The following ATAD2B variants were observed in gnomAD, a reference collection of about 807,000 sequenced individuals.
The protein encoded by ATAD2B is ATPase family AAA domain containing 2B, also known as ATPase family AAA domain-containing protein 2B.
A neutral mutation model predicts 167.6 loss-of-function variants in ATAD2B; 40 were observed. The ratio of observed to expected loss-of-function variants is 0.24; its 90% CI spans 0.19 to 0.31. The LOEUF (loss-of-function observed/expected upper bound fraction) is 0.31. Among genes scored for constraint, ATAD2B ranks in the 10% least tolerant of loss-of-function variants. The pLI, the probability that ATAD2B is intolerant of heterozygous loss-of-function variation, is 1.00. For missense variants in ATAD2B, 1,242 were observed against 1,757.2 expected (o/e 0.71, Z 5.24); for synonymous variants, 579 against 596.5 (o/e 0.97, Z 0.43).
the ATAD2B span, among the ~76,000 whole-genome samples, chr2:23,729,438 G>A: frequency 5.9e-5 from 9 of 152,200 alleles, no homozygotes; most frequent in Admixed American, 2.6e-4. Flanking sequence ...TGTTTTAACC[G>A]TGTAAGAAAG....
chr2:23,922,701 C>CAAAAAAAAAAAAAAAAAAA lies in ATAD2B; in HGVS notation c.216+3853_216+3854insTTTTTTTTTTTTTTTTTTT, dbSNP rs11386515. Among the ~76,000 whole-genome samples, 62 of 126,428 alleles carry CAAAAAAAAAAAAAAAAAAA rather than the reference C, an allele frequency of 4.9e-4. 1 individual carries two copies. Among genetic ancestry groups the CAAAAAAAAAAAAAAAAAAA allele is most frequent in the Middle Eastern group, 4.3e-3 (1 of 232 alleles). 82.9% of individuals were successfully genotyped at this position (126,428 alleles called of 152,430 possible). On this transcript the variant is annotated intron_variant, in intron 1 of 27. Coordinates refer to ENST00000238789, the MANE Select transcript of ATAD2B (RefSeq NM_017552.4). ...TGGGCATCAGAGTAAGACTCTGTCT[C>CAAAAAAAAAAAAAAAAAAA]AAAAAAAAAAAAAAAGGGTCCTAAC...
downstream of ATAD2B, among the ~76,000 whole-genome samples, chr2:23,743,826 T>TA (rs1674647028): frequency 1.3e-5 from 2 of 152,018 alleles, no homozygotes; most frequent in Non-Finnish European, 2.9e-5. Flanking sequence ...AGGGTCTCAT[T>TA]ATGTTACCCA....
At chr2:23,782,823 T>A in intron 22 of ATAD2B, 46 bp downstream of exon 22, 1 of 1,503,554 alleles carries the variant, frequency 6.7e-7, no homozygotes, top group Non-Finnish European at 9.1e-7. Context: ...CGGTAAACTG[T>A]CTTCTGATTG....
rs754979087 is a variant in ATAD2B at position 23,887,911 on chromosome 2, C to G, written c.493G>C (p.Val165Leu). The G allele has an allele frequency of 2.5e-6, 4 of 1,611,222 alleles. No homozygotes were observed. In the East Asian group the frequency reaches 8.9e-5, roughly 36 times the overall value. Reference protein sequence around the residue: ...DLSCINGDMEVRKSCRSRKNR... With the variant: ...DLSCINGDMELRKSCRSRKNR... ...TTCCTGGAACGACAACTTTTTCTGA[C>G]TTCCATGTCACCATTTATACAAGAA... Residue 165 changes from valine to leucine, a missense_variant, in exon 4 of 28, where the codon GTC (valine) becomes CTC (leucine). Physicochemically the swap from Val to Leu is conservative, Grantham distance 32. Transcript: ENST00000238789.
chr2:23,840,748 T>C (rs1445215053), intron 13 of ATAD2B, among the ~76,000 whole-genome samples: 3 of 152,248 alleles, frequency 2.0e-5, no homozygotes, highest in South Asian at 2.1e-4. Flanking sequence ...AATTAATCTA[T>C]AGAGCATTAA....
the ATAD2B span, among the ~76,000 whole-genome samples, chr2:23,713,497 G>T: frequency 6.6e-6 from 1 of 151,682 alleles, no homozygotes; most frequent in African/African-American, 2.4e-5. Flanking sequence ...CACGAATTGA[G>T]CAACAATAAC....
chr2:23,753,180 C>A (rs1356586014), intron 27 of ATAD2B, among the ~76,000 whole-genome samples: 5 of 152,096 alleles, frequency 3.3e-5, no homozygotes, highest in African/African-American at 9.7e-5. Context: ...ATCATCCGAT[C>A]AACAAGTTCT....
At chr2:23,775,823 C>A (rs975737882) in intron 22 of ATAD2B, among the ~76,000 whole-genome samples, 2 of 152,162 alleles carry the variant, frequency 1.3e-5, no homozygotes, top group Non-Finnish European at 2.9e-5. Flanking sequence ...ATATCTCCTG[C>A]CCACTTCTTT....
intron 17 of ATAD2B, among the ~76,000 whole-genome samples, chr2:23,818,249 A>G (rs1172105976): frequency 2.6e-5 from 2 of 75,922 alleles, no homozygotes; most frequent in African/African-American, 5.1e-5. Flanking sequence ...GAGGGAGGGA[A>G]GAAGAGAGGG....
intron 18 of ATAD2B, chr2:23,799,998 T>C (rs536459803): frequency 6.6e-6 from 1 of 151,844 alleles, no homozygotes; most frequent in East Asian, 1.9e-4. Flanking sequence ...AAAGTTCTTG[T>C]AGAAAATTCA....
chr2:23,880,203 T>G (rs1363195271), intron 7 of ATAD2B, among the ~76,000 whole-genome samples: 1 of 152,210 alleles, frequency 6.6e-6, no homozygotes, highest in Non-Finnish European at 1.5e-5. Context: ...ATGTACATGC[T>G]GTATGTAAAT....
the ATAD2B span, chr2:23,693,170 G>A: frequency 2.9e-6 from 4 of 1,359,436 alleles, no homozygotes; most frequent in Non-Finnish European, 3.0e-6. Context: ...GGTCCCCCGG[G>A]ATGTGGGTTC....
At chr2:23,809,204 T>C (rs1685149441) in intron 18 of ATAD2B, 1 of 152,254 alleles carries the variant, frequency 6.6e-6, no homozygotes, top group South Asian at 2.1e-4. Flanking sequence ...AGCAAACATA[T>C]AAATCAACAT....
At chr2:23,730,684 AAAAAAAGG>A in the ATAD2B span, among the ~76,000 whole-genome samples, 3 of 148,982 alleles carry the variant, frequency 2.0e-5, no homozygotes, top group African/African-American at 7.4e-5. Flanking sequence ...AAAAAAAAAA[AAAAAAAGG>A]AAAGAAAATA....
At chr2:23,909,177 G>T (rs1226652852) in intron 1 of ATAD2B, among the ~76,000 whole-genome samples, 2 of 151,612 alleles carry the variant, frequency 1.3e-5, no homozygotes, top group African/African-American at 2.4e-5. Context: ...ACAGTGTGAG[G>T]GAAAAAAAAG....
intron 22 of ATAD2B, among the ~76,000 whole-genome samples, chr2:23,770,289 C>G (rs1170161149): frequency 6.6e-6 from 1 of 151,274 alleles, no homozygotes; most frequent in African/African-American, 2.4e-5. Context: ...GCACTCCAGC[C>G]TAGGTGACAG....
chr2:23,738,273 A>G, the ATAD2B span, among the ~76,000 whole-genome samples: 565 of 152,330 alleles, frequency 3.7e-3, 4 homozygotes, highest in African/African-American at 0.013. Flanking sequence ...TGAAATGAAG[A>G]AACAAATGTT....
the ATAD2B span, chr2:23,695,603 C>A: frequency 6.6e-7 from 1 of 1,517,230 alleles, no homozygotes; most frequent in Non-Finnish European, 8.9e-7. This position sits in a 1 kb window ranked among gnomAD's most constrained non-coding sequence, Gnocchi z 7.6. Context: ...TAAGAAGATT[C>A]TGTCTCCTGT....
the ATAD2B span, among the ~76,000 whole-genome samples, chr2:23,683,558 C>A: frequency 6.6e-6 from 1 of 152,224 alleles, no homozygotes; most frequent in Non-Finnish European, 1.5e-5. Context: ...TCTGACATCC[C>A]CAGGTCTGGA....
Sources: allele counts gnomAD v4.1 joint callset (sites outside exome capture counted in the v4.1 genomes callset), GRCh38; gene constraint gnomAD v4.1.1; non-coding constraint Gnocchi (gnomAD v3.1); transcripts MANE v1.5; gene names NCBI Gene and HGNC (gene_info 2026-07-23, HGNC 2026-07-21).